SLA: variants seen among roughly 807,000 people sequenced by gnomAD.
The protein encoded by SLA is Src like adaptor.
Under a neutral mutation model 30.3 loss-of-function variants are expected in SLA, and 16 were observed. The observed-to-expected ratio is 0.53, with a 90% CI of 0.36 to 0.80. SLA has a LOEUF of 0.80. Among genes scored for constraint, SLA ranks in the 30% least tolerant of loss-of-function variants. The probability of loss-of-function intolerance (pLI) is 0.01; values close to 1 mark genes in which losing one functional copy is unlikely to be tolerated. For missense variants in SLA, 310 were observed against 345.2 expected (o/e 0.90, Z 0.81); for synonymous variants, 143 against 137.8 (o/e 1.04, Z -0.26).
intron 8 of SLA, among the ~76,000 whole-genome samples, chr8:133,039,632 G>A (rs1345364519): frequency 1.3e-5 from 2 of 152,168 alleles, no homozygotes; most frequent in Non-Finnish European, 2.9e-5. Flanking sequence ...TTGTGAGTGG[G>A]TTTTAAATAA....
chr8:133,058,736 G>A (rs1036518385), intron 3 of SLA, among the ~76,000 whole-genome samples: 1 of 152,234 alleles, frequency 6.6e-6, no homozygotes, highest in African/African-American at 2.4e-5. Flanking sequence ...TCTGAGTGTC[G>A]CATGGGAGAT....
intron 3 of SLA, among the ~76,000 whole-genome samples, chr8:133,055,745 G>A (rs1161970560): frequency 6.6e-6 from 1 of 152,150 alleles, no homozygotes; most frequent in African/African-American, 2.4e-5. Context: ...GACTCAGAAT[G>A]TGCTTTACTT....
At chr8:133,084,078 G>A (rs1165499909) in intron 1 of SLA, among the ~76,000 whole-genome samples, 2 of 152,152 alleles carry the variant, frequency 1.3e-5, no homozygotes, top group African/African-American at 2.4e-5. Flanking sequence ...TGCATGCATT[G>A]TGTTTTCTAG....
intron 6 of SLA, 36 bp downstream of exon 6, chr8:133,047,794 C>T: frequency 8.6e-7 from 1 of 1,161,620 alleles, no homozygotes; most frequent in Admixed American, 1.7e-5. Flanking sequence ...TGCTTGTCTG[C>T]CCCGGATGGG....
chr8:133,051,814 A>C (rs1172256989), intron 3 of SLA, among the ~76,000 whole-genome samples: 4 of 152,208 alleles, frequency 2.6e-5, no homozygotes, highest in African/African-American at 9.7e-5. Flanking sequence ...GTATCAGCAA[A>C]TACAGTTATT....
At position 133,057,922 on chromosome 8, in the gene SLA, C is replaced by T. The variant is rs928174180; in HGVS notation, c.61+2178G>A. Among the ~76,000 whole-genome samples the T allele has an allele frequency of 5.8e-4, 88 of 152,138 alleles. 1 individual carries two copies. Among genetic ancestry groups the T allele is most frequent in the African/African-American group, 1.9e-3 (80 of 41,416 alleles). ...CTGGCCTCTGGGTGATCCTTGTGCA[C>T]GGCCAGGGTCTGTGGAGGGTCTGTG... is the stretch of plus-strand genomic sequence containing the variant. On this transcript the variant is annotated intron_variant, in intron 3 of 8. Coordinates refer to ENST00000338087, the MANE Select transcript of SLA (RefSeq NM_001045556.3).
At chr8:133,083,600 C>T (rs995967222) in intron 1 of SLA, among the ~76,000 whole-genome samples, 1 of 152,174 alleles carries the variant, frequency 6.6e-6, no homozygotes, top group Middle Eastern at 3.4e-3. Flanking sequence ...AAATGGAGAC[C>T]CAGAGAATGA....
At chr8:133,063,057 G>A (rs1014804462) in intron 2 of SLA, among the ~76,000 whole-genome samples, 1 of 152,212 alleles carries the variant, frequency 6.6e-6, no homozygotes, top group African/African-American at 2.4e-5. Context: ...TCTGGGGAAA[G>A]TTCTCAACAT....
chr8:133,075,196 G>A (rs4585737), intron 1 of SLA, 66 bp from the exon 2 acceptor site: 390,689 of 865,790 alleles, frequency 0.45, 89,420 homozygotes, highest in Non-Finnish European at 0.46. Flanking sequence ...GCTTAACTCT[G>A]GATTCTGGAA....
At chr8:133,074,144 T>G (rs1844507635) in intron 2 of SLA, among the ~76,000 whole-genome samples, 1 of 152,214 alleles carries the variant, frequency 6.6e-6, no homozygotes, top group South Asian at 2.1e-4. Context: ...CTCTTCCAAC[T>G]CTAACATGCT....
chr8:133,060,175 C>T lies in SLA; in HGVS notation c.-15G>A. 2 of 1,612,348 alleles carry T rather than the reference C, an allele frequency of 1.2e-6. No homozygotes were observed. The highest frequency in any genetic ancestry group is 1.7e-6 in the Non-Finnish European group (2 of 1,179,316). On this transcript the variant is annotated 5_prime_UTR_variant, in exon 3 of 9. Coordinates refer to ENST00000338087, the MANE Select transcript of SLA (RefSeq NM_001045556.3). ...CTGTTTCCCATTTCTTTCTTTTTCC[C>T]TGGGGCCGCTGGTGATGCCCAGAGC...
At chr8:133,079,189 G>T (rs1224544886) in intron 1 of SLA, among the ~76,000 whole-genome samples, 2 of 152,196 alleles carry the variant, frequency 1.3e-5, no homozygotes, top group Non-Finnish European at 2.9e-5. Context: ...CTGGCCGAAT[G>T]ACACTGTCAG....
intron 2 of SLA, among the ~76,000 whole-genome samples, chr8:133,069,523 T>A (rs1250166827): frequency 6.6e-6 from 1 of 152,142 alleles, no homozygotes; most frequent in East Asian, 1.9e-4. Context: ...CCTCCTTAGC[T>A]CCTCAGGAAA....
chr8:133,071,274 G>A (rs890596223), intron 2 of SLA, among the ~76,000 whole-genome samples: 4 of 152,212 alleles, frequency 2.6e-5, no homozygotes, highest in African/African-American at 9.6e-5. Flanking sequence ...TCTAACCGGG[G>A]AAACCAAGGC....
chr8:133,070,354 G>GT (rs11394917), intron 2 of SLA, among the ~76,000 whole-genome samples: 29,635 of 152,200 alleles, frequency 0.19, 3,180 homozygotes, highest in Non-Finnish European at 0.24. Context: ...TTTTGGAACA[G>GT]TTGCCCACAG....
At chr8:133,067,274 G>T (rs1843171817) in intron 2 of SLA, among the ~76,000 whole-genome samples, 1 of 152,046 alleles carries the variant, frequency 6.6e-6, no homozygotes, top group Non-Finnish European at 1.5e-5. Flanking sequence ...AGGTGCAGCC[G>T]CAGGCCTGTT....
intron 1 of SLA, chr8:133,095,245 C>T (rs774220283): frequency 1.9e-6 from 3 of 1,613,876 alleles, no homozygotes; most frequent in East Asian, 2.2e-5. Context: ...GGGACATTCT[C>T]TGGTCTTTTA....
intron 4 of SLA, chr8:133,050,207 C>A: frequency 3.6e-6 from 2 of 560,096 alleles, no homozygotes; most frequent in Non-Finnish European, 6.4e-6. Flanking sequence ...AACTGGTAAA[C>A]CCTCCCATGT....
In SLA at chr8:133,042,678, C is replaced by CCTTT. The variant is rs1554706932; in HGVS notation, c.484+2305_484+2306insAAAG. On this transcript the variant is annotated intron_variant, in intron 7 of 8. Transcript: ENST00000338087. Reference sequence around the variant, plus strand: ...GTGCACAATTCCTCTCATTCTGTGTCTTTTTTTTTTTTTTTTTTTTTTTTT... The same window carrying CCTTT: ...GTGCACAATTCCTCTCATTCTGTGTCCTTTTTTTTTTTTTTTTTTTTTTTTTTTT... 5.2e-3 allele frequency among the ~76,000 whole-genome samples: 294 copies of CCTTT among 56,782 alleles called. 15 individuals carry two copies. Among genetic ancestry groups the CCTTT allele is most frequent in the South Asian group, 0.016 (26 of 1,676 alleles). The allele number at this position is 56,782 out of a possible 152,430, so 37.3% of individuals were successfully genotyped here.
Sources: gnomAD v4.1 joint callset for allele counts (sites outside exome capture counted in the v4.1 genomes callset) on GRCh38, gnomAD v4.1.1 for gene constraint, MANE v1.5 for transcripts, NCBI Gene and HGNC (gene_info 2026-07-23, HGNC 2026-07-21) for gene names.